Variants in ZFAT observed in about 807,000 individuals in gnomAD.
ZFAT encodes zinc finger and AT-hook domain containing.
In ZFAT, 64 loss-of-function variants were observed where a neutral mutation model predicts 117.7. That is an observed-to-expected ratio of 0.54 (90% CI 0.44 to 0.67). ZFAT has a LOEUF of 0.67. ZFAT is among the 30% of genes least tolerant of loss of function. The pLI is 0.00. For synonymous variants in ZFAT, 679 were observed against 615.0 expected, an observed-to-expected ratio of 1.10 and a Z score of -1.54; for missense variants, 1,433 against 1,584.5, an observed-to-expected ratio of 0.90 and a Z score of 1.62.
intron 15 of ZFAT, among the ~76,000 whole-genome samples, chr8:134,491,329 C>T (rs1164462942): frequency 2.6e-5 from 4 of 152,234 alleles, no homozygotes; most frequent in Non-Finnish European, 4.4e-5. Flanking sequence ...GTGCTCTTGG[C>T]CTGTGCTTGT....
intron 14 of ZFAT, chr8:134,510,105 C>T (rs557667010): frequency 4.3e-6 from 2 of 461,254 alleles, no homozygotes; most frequent in South Asian, 1.5e-5. Flanking sequence ...GCCCTCGAAG[C>T]TGAACTCCTG....
intron 10 of ZFAT, among the ~76,000 whole-genome samples, chr8:134,573,802 T>C (rs965345585): frequency 1.3e-5 from 2 of 152,234 alleles, no homozygotes; most frequent in Non-Finnish European, 2.9e-5. Flanking sequence ...TGCATGTCCA[T>C]GACTGATGAA....
the ZFAT span, chr8:134,797,029 T>C: frequency 6.6e-6 from 1 of 152,310 alleles, no homozygotes; most frequent in Non-Finnish European, 1.5e-5. Flanking sequence ...AATGACCATT[T>C]AGAAAGTTAT....
the ZFAT span, among the ~76,000 whole-genome samples, chr8:134,811,620 G>A: frequency 6.6e-6 from 1 of 152,142 alleles, no homozygotes; most frequent in Non-Finnish European, 1.5e-5. Context: ...CAGCAGCAAA[G>A]TGATCACATG....
chr8:134,634,402 C>T (rs927407031), intron 3 of ZFAT, among the ~76,000 whole-genome samples: 3 of 152,142 alleles, frequency 2.0e-5, no homozygotes, highest in African/African-American at 7.2e-5. Flanking sequence ...TGTTTCATTA[C>T]AGGTATTAAA....
At chr8:134,613,298 C>T (rs893985448) in intron 3 of ZFAT, among the ~76,000 whole-genome samples, 2 of 152,190 alleles carry the variant, frequency 1.3e-5, no homozygotes, top group African/African-American at 2.4e-5. Context: ...TTCACCTACA[C>T]TAATAAGAAG....
At chr8:134,488,863 A>G (rs1263911343) in intron 15 of ZFAT, among the ~76,000 whole-genome samples, 1 of 151,968 alleles carries the variant, frequency 6.6e-6, no homozygotes, top group African/African-American at 2.4e-5. Context: ...GTGTAAAGAG[A>G]TGGGGAAAAG....
intron 13 of ZFAT, among the ~76,000 whole-genome samples, chr8:134,516,172 T>C (rs1481905244): frequency 6.6e-6 from 1 of 152,232 alleles, no homozygotes; most frequent in Admixed American, 6.5e-5. Flanking sequence ...GCAATCTAAG[T>C]TTCGCTGATT....
At chr8:134,516,529 G>A (rs926284652) in intron 13 of ZFAT, among the ~76,000 whole-genome samples, 1 of 152,100 alleles carries the variant, frequency 6.6e-6, no homozygotes, top group African/African-American at 2.4e-5. Context: ...GTTCTGTTTT[G>A]TTTTGTTTTT....
intron 3 of ZFAT, among the ~76,000 whole-genome samples, chr8:134,626,101 G>T (rs565696578): frequency 6.6e-6 from 1 of 152,194 alleles, no homozygotes; most frequent in Non-Finnish European, 1.5e-5. Context: ...CCTGCAAAAG[G>T]CCCTGAGTAC....
intron 11 of ZFAT, among the ~76,000 whole-genome samples, chr8:134,541,604 C>T (rs1037523546): frequency 7.4e-5 from 11 of 149,290 alleles, no homozygotes; most frequent in African/African-American, 2.0e-4. Context: ...AGTAAAGAGA[C>T]GAGGAAAGGA....
chr8:134,805,387 A>T, the ZFAT span, among the ~76,000 whole-genome samples: 1 of 152,204 alleles, frequency 6.6e-6, no homozygotes, highest in African/African-American at 2.4e-5. Context: ...AAAAGCGTTA[A>T]TTTAGTTGAC....
At chr8:134,785,863 G>A in the ZFAT span, 1 of 152,024 alleles carries the variant, frequency 6.6e-6, no homozygotes, top group Non-Finnish European at 1.5e-5. Context: ...GAATTTGATT[G>A]GAACTTCAGT....
At chr8:134,651,309 A>G (rs1295905699) in intron 2 of ZFAT, among the ~76,000 whole-genome samples, 1 of 152,248 alleles carries the variant, frequency 6.6e-6, no homozygotes, top group Non-Finnish European at 1.5e-5. Context: ...ATGGATACAC[A>G]ATATGTAGCA....
chr8:134,610,150 C>G (rs894875373), intron 4 of ZFAT, among the ~76,000 whole-genome samples: 2 of 152,094 alleles, frequency 1.3e-5, no homozygotes, highest in Non-Finnish European at 2.9e-5. Flanking sequence ...AGGCACACAC[C>G]CAGGAGAAGA....
intron 12 of ZFAT, among the ~76,000 whole-genome samples, chr8:134,524,921 C>T (rs1820918627): frequency 6.6e-6 from 1 of 152,230 alleles, no homozygotes; most frequent in Non-Finnish European, 1.5e-5. Context: ...GCACCTCATA[C>T]ATCAAGTCAT....
intron 2 of ZFAT, among the ~76,000 whole-genome samples, chr8:134,650,496 C>T (rs1212877360): frequency 2.0e-5 from 3 of 152,132 alleles, no homozygotes; most frequent in African/African-American, 4.8e-5. Flanking sequence ...TGGACTAATA[C>T]AGATCTAATG....
the ZFAT span, among the ~76,000 whole-genome samples, chr8:134,724,134 G>A: frequency 6.6e-6 from 1 of 152,196 alleles, no homozygotes; most frequent in Non-Finnish European, 1.5e-5. Flanking sequence ...GCAGGCTCAG[G>A]TGCCATCTGC....
intron 15 of ZFAT, among the ~76,000 whole-genome samples, chr8:134,503,021 C>T (rs181658882): frequency 3.9e-5 from 6 of 152,344 alleles, no homozygotes; most frequent in Admixed American, 3.3e-4. Context: ...TAAGCCAGGG[C>T]AGCCAACTCC....
Sources: gnomAD v4.1 joint callset for allele counts (sites outside exome capture counted in the v4.1 genomes callset) on GRCh38, gnomAD v4.1.1 for gene constraint, MANE v1.5 for transcripts, NCBI Gene and HGNC (gene_info 2026-07-23, HGNC 2026-07-21) for gene names.